Variants in SF1 observed in about 807,000 individuals in gnomAD.
The protein encoded by SF1 is branch point-binding protein.
A neutral mutation model predicts 62.5 loss-of-function variants in SF1; 7 were observed. The ratio of observed to expected loss-of-function variants is 0.11; its 90% CI spans 0.06 to 0.21. The LOEUF is 0.21. Ranked by LOEUF, SF1 falls within the 10% of genes least tolerant of loss-of-function variation. The probability of loss-of-function intolerance (pLI) is 1.00; values close to 1 mark genes in which losing one functional copy is unlikely to be tolerated. For synonymous variants in SF1, 394 were observed against 323.6 expected (o/e 1.22, Z -2.33); for missense variants, 578 against 884.0 (o/e 0.65, Z 4.39).
intron 3 of SF1, chr11:64,771,757 G>A (rs1938358432): frequency 1.1e-5 from 11 of 984,888 alleles, no homozygotes; most frequent in Non-Finnish European, 1.3e-5. Flanking sequence ...TGTTTTTACT[G>A]TGCAAGTTAA....
chr11:64,770,199 A>G, intron 4 of SF1, 57 bp downstream of exon 4: 4 of 1,590,642 alleles, frequency 2.5e-6, no homozygotes, highest in Non-Finnish European at 3.4e-6. Flanking sequence ...CCATCCCAGC[A>G]GGTCACCCAT....
At position 64,765,779 on chromosome 11, in the gene SF1, T is replaced by A; in HGVS notation, c.*39A>T. 1 of 1,498,806 alleles carries A rather than the reference T, an allele frequency of 6.7e-7. No homozygotes were observed. Among genetic ancestry groups the A allele is most frequent in the Non-Finnish European group, 8.9e-7 (1 of 1,125,966 alleles). 92.8% of individuals were successfully genotyped at this position (1,498,806 alleles called of 1,614,324 possible). ...TTCGGCGTGTTTAAACGAGACCAATTCTCTCTATATATAATATATATTTTC... is the reference window on the plus strand; with the variant it reads ...TTCGGCGTGTTTAAACGAGACCAATACTCTCTATATATAATATATATTTTC... On this transcript the variant is annotated 3_prime_UTR_variant, in exon 13 of 13. Coordinates refer to ENST00000377390, the MANE Select transcript of SF1 (RefSeq NM_004630.4).
chr11:64,768,879 T>C, intron 8 of SF1, 143 bp downstream of exon 8: 1 of 699,082 alleles, frequency 1.4e-6, no homozygotes, highest in South Asian at 1.6e-5. Context: ...CTAATCATCC[T>C]GGGCTTTAAA....
intron 3 of SF1, chr11:64,773,060 G>A (rs984686974): frequency 2.7e-6 from 3 of 1,117,790 alleles, no homozygotes; most frequent in African/African-American, 1.7e-5. Context: ...CCTGCACTGT[G>A]TACCTGTGAG....
Position 64,767,518 on chromosome 11 carries a change from A to AACT in SF1, c.1342+52_1342+53insAGT, listed in dbSNP as rs745719101. ...CTTCTAGCCAACAGCGACCTGACGT[A>AACT]ACCCCTTGCTTATCCCAAAGCCCCC... On this transcript the variant is annotated intron_variant, in intron 10 of 12. Transcript: ENST00000377390. 4.6e-5 allele frequency: 69 copies of AACT among 1,498,448 alleles called. No individual in the cohort carries two copies. In the South Asian group the frequency reaches 8.6e-4, roughly 19 times the overall value. 92.8% of individuals were successfully genotyped at this position (1,498,448 alleles called of 1,614,324 possible).
At position 64,766,008 on chromosome 11, in the gene SF1, AGAGGCGGCT is replaced by A. The variant is rs2058633985; in HGVS notation, c.1721_1729del (p.Gln574_Pro576del). The A allele has an allele frequency of 1.2e-6, 2 of 1,604,172 alleles. No individual in the cohort carries two copies. The highest frequency in any genetic ancestry group is 1.7e-6 in the Non-Finnish European group (2 of 1,175,964). On this transcript the variant is annotated inframe_deletion, in exon 13 of 13. Transcript: ENST00000377390. Reference sequence around the variant, plus strand: ...CGGAGGGGGAGGGGCCCCAGGCGGCAGAGGCGGCTGGACCCCGGGGGGCAGGGGCACCAT... The same window carrying A: ...CGGAGGGGGAGGGGCCCCAGGCGGCAGGACCCCGGGGGGCAGGGGCACCAT...
chr11:64,773,592 T>G, intron 2 of SF1, 87 bp from the exon 3 acceptor site: 1 of 1,453,044 alleles, frequency 6.9e-7, no homozygotes, highest in Non-Finnish European at 9.3e-7. Context: ...ACAACAAGCA[T>G]GAAGAACTCG....
chr11:64,772,996 G>C, intron 3 of SF1: 1 of 1,001,134 alleles, frequency 1.0e-6, no homozygotes, highest in Non-Finnish European at 1.2e-6. Context: ...GCAATGAGCT[G>C]ACCAGAGCTC....
intron 3 of SF1, chr11:64,772,594 T>G: frequency 1.0e-6 from 1 of 985,212 alleles, no homozygotes; most frequent in Non-Finnish European, 1.2e-6. Flanking sequence ...TCTTTTCAAC[T>G]ATTCTGTATG....
chr11:64,778,202 G>A (rs1444039221), intron 1 of SF1, 160 bp downstream of exon 1: 61 of 1,103,298 alleles, frequency 5.5e-5, no homozygotes, highest in Non-Finnish European at 6.8e-5. Context: ...CGCCGCGAAG[G>A]GGAAGGCCGC....
chr11:64,775,286 G>GC (rs1939012002), intron 2 of SF1, among the ~76,000 whole-genome samples: 1 of 152,074 alleles, frequency 6.6e-6, no homozygotes, highest in African/African-American at 2.4e-5. Flanking sequence ...GAACTAACTA[G>GC]CCCTCCACAA....
At chr11:64,768,373 A>G in intron 8 of SF1, 87 bp from the exon 9 acceptor site, 2 of 1,244,816 alleles carry the variant, frequency 1.6e-6, no homozygotes, top group East Asian at 2.3e-5. Context: ...ACATATGGAA[A>G]GTTCTGAAGA....
At chr11:64,774,262 TAGA>T (rs1565578406) in intron 2 of SF1, among the ~76,000 whole-genome samples, 1 of 152,192 alleles carries the variant, frequency 6.6e-6, no homozygotes, top group Non-Finnish European at 1.5e-5. Flanking sequence ...AGCAGGCGTG[TAGA>T]AGAATGGAAT....
chr11:64,775,468 A>C (rs1939054225), intron 2 of SF1, among the ~76,000 whole-genome samples: 1 of 152,232 alleles, frequency 6.6e-6, no homozygotes. Flanking sequence ...AGGGGAAAGA[A>C]CAAGTATTAG....
rs920154304 is a variant in SF1, at chr11:64,772,098, G to A, written c.236+1332C>T. On this transcript the variant is annotated intron_variant, in intron 3 of 12. Coordinates refer to ENST00000377390, the MANE Select transcript of SF1 (RefSeq NM_004630.4). ...CTCCTCCCAAATTGCAGAAGTGAAAGGCAAAAGCTAGTATTCTAGAGGTTA... is the reference window on the plus strand; with the variant it reads ...CTCCTCCCAAATTGCAGAAGTGAAAAGCAAAAGCTAGTATTCTAGAGGTTA... 8 of 985,244 alleles carry A rather than the reference G, an allele frequency of 8.1e-6. No individual in the cohort carries two copies. The East Asian group carries it at 7.9e-4, about 98-fold the overall frequency. 61.0% of individuals were successfully genotyped at this position (985,244 alleles called of 1,614,324 possible).
intron 1 of SF1, 34 bp downstream of exon 1, chr11:64,778,328 G>T: frequency 8.2e-7 from 1 of 1,224,898 alleles, no homozygotes; most frequent in Non-Finnish European, 1.0e-6. Flanking sequence ...TTTGGGCCCG[G>T]GGAGCGGGGG....
At chr11:64,767,960 G>A (rs1937626493) in intron 9 of SF1, 116 bp from the exon 10 acceptor site, 2 of 1,471,548 alleles carry the variant, frequency 1.4e-6, no homozygotes, top group Non-Finnish European at 1.8e-6. Context: ...GAAGTGAGAA[G>A]TCCCCAAACT....
intron 2 of SF1, 70 bp from the exon 3 acceptor site, chr11:64,773,575 A>T: frequency 6.6e-7 from 1 of 1,517,054 alleles, no homozygotes; most frequent in Non-Finnish European, 8.9e-7. Flanking sequence ...AAACATCTCA[A>T]ATCTCAACAA....
chr11:64,766,324 G>A (rs2058667473), intron 12 of SF1, 169 bp from the exon 13 acceptor site: 1 of 566,080 alleles, frequency 1.8e-6, no homozygotes, highest in Admixed American at 3.0e-5. Context: ...GGGTGGGCAG[G>A]ACTACCCTGG....
Sources: allele counts gnomAD v4.1 joint callset (sites outside exome capture counted in the v4.1 genomes callset), GRCh38; gene constraint gnomAD v4.1.1; transcripts MANE v1.5; gene names NCBI Gene and HGNC (gene_info 2026-07-23, HGNC 2026-07-21).